MAGI2: variants seen among roughly 807,000 people sequenced by gnomAD.
MAGI2 encodes membrane associated guanylate kinase, WW and PDZ domain containing 2, also known as membrane-associated guanylate kinase, WW and PDZ domain-containing protein 2.
A neutral mutation model predicts 133.3 loss-of-function variants in MAGI2; 35 were observed. That is an observed-to-expected ratio of 0.26 (90% CI 0.20 to 0.35). MAGI2 has a LOEUF of 0.35. MAGI2 is among the 10% of genes least tolerant of loss of function. The probability of loss-of-function intolerance (pLI) is 1.00; values close to 1 mark genes in which losing one functional copy is unlikely to be tolerated. For synonymous variants in MAGI2, 729 were observed against 710.6 expected (o/e 1.03, Z -0.41); for missense variants, 1,636 against 1,863.4 (o/e 0.88, Z 2.25).
chr7:78,975,582 C>T (rs1804174422), intron 2 of MAGI2, among the ~76,000 whole-genome samples: 1 of 151,290 alleles, frequency 6.6e-6, no homozygotes, highest in Non-Finnish European at 1.5e-5. Flanking sequence ...GAGAAAAGAT[C>T]TAAAATTAAT....
chr7:78,884,935 G>C (rs1796150168), intron 2 of MAGI2, among the ~76,000 whole-genome samples: 1 of 152,132 alleles, frequency 6.6e-6, no homozygotes. Context: ...CCCATTAATG[G>C]TGAACTGGAT....
intron 1 of MAGI2, among the ~76,000 whole-genome samples, chr7:79,219,844 T>C (rs1260927244): frequency 2.0e-5 from 3 of 152,008 alleles, no homozygotes; most frequent in Non-Finnish European, 2.9e-5. Context: ...ATTGTAGGGA[T>C]TTTAACTCTA....
chr7:79,238,019 T>A (rs1196318991), intron 1 of MAGI2, among the ~76,000 whole-genome samples: 1 of 152,202 alleles, frequency 6.6e-6, no homozygotes, highest in Non-Finnish European at 1.5e-5. Flanking sequence ...CCAGGTTTAG[T>A]TAAACTAATA....
intron 1 of MAGI2, among the ~76,000 whole-genome samples, chr7:79,432,925 A>G (rs1474177802): frequency 3.3e-5 from 5 of 152,174 alleles, no homozygotes; most frequent in African/African-American, 9.6e-5. Flanking sequence ...TTGCTTCTTT[A>G]TTCTTGTTCC....
intron 6 of MAGI2, among the ~76,000 whole-genome samples, chr7:78,406,519 C>A (rs139452693): frequency 2.0e-5 from 3 of 151,850 alleles, no homozygotes; most frequent in African/African-American, 7.3e-5. Flanking sequence ...TGGTTTCTGC[C>A]GGCTGATATT....
intron 1 of MAGI2, among the ~76,000 whole-genome samples, chr7:79,199,582 A>T (rs1261700502): frequency 2.6e-5 from 4 of 152,104 alleles, no homozygotes; most frequent in Non-Finnish European, 5.9e-5. Flanking sequence ...ACGTGCAAAA[A>T]TCATTCCTGT....
chr7:78,309,071 A>G (rs1584815295), intron 9 of MAGI2, among the ~76,000 whole-genome samples: 1 of 152,232 alleles, frequency 6.6e-6, no homozygotes, highest in Non-Finnish European at 1.5e-5. Context: ...AAAAGGGAAT[A>G]CTTACACACT....
At chr7:79,127,613 A>G (rs1332499130) in intron 1 of MAGI2, among the ~76,000 whole-genome samples, 4 of 152,068 alleles carry the variant, frequency 2.6e-5, no homozygotes, top group Admixed American at 1.3e-4. Flanking sequence ...AGAAGTGTCT[A>G]TTCATATCCT....
At position 79,187,662 on chromosome 7, in the gene MAGI2, A is replaced by G. The variant is rs1827284037; in HGVS notation, c.302-180456T>C. Among the ~76,000 whole-genome samples, 2 of 151,940 alleles carry G rather than the reference A, an allele frequency of 1.3e-5. 1 individual carries two copies. The highest frequency in any genetic ancestry group is 4.1e-4 in the South Asian group (2 of 4,830). Reference sequence around the variant, plus strand: ...ATTGTTTTTACTTGAAAGAAAATAGAAAACATCTCAATTTTACTAAAAATT... The same window carrying G: ...ATTGTTTTTACTTGAAAGAAAATAGGAAACATCTCAATTTTACTAAAAATT... On this transcript the variant is annotated intron_variant, in intron 1 of 21. Coordinates refer to ENST00000354212, the MANE Select transcript of MAGI2 (RefSeq NM_012301.4).
chr7:78,503,477 C>T (rs978884007), intron 4 of MAGI2, among the ~76,000 whole-genome samples: 2 of 151,368 alleles, frequency 1.3e-5, no homozygotes, highest in African/African-American at 4.9e-5. Context: ...CCATCCTGTT[C>T]TTGTGGTAGT....
At chr7:78,380,198 G>A (rs181006424) in intron 6 of MAGI2, among the ~76,000 whole-genome samples, 1 of 151,216 alleles carries the variant, frequency 6.6e-6, no homozygotes, top group East Asian at 1.9e-4. Flanking sequence ...CAAAAAAATT[G>A]TACAAAATAG....
intron 1 of MAGI2, among the ~76,000 whole-genome samples, chr7:79,313,415 C>T (rs1245562396): frequency 6.6e-6 from 1 of 152,080 alleles, no homozygotes; most frequent in Non-Finnish European, 1.5e-5. Flanking sequence ...CTTACTGTCT[C>T]AATCTCTCTC....
rs995698856 is a variant in MAGI2, at chr7:78,542,372, G to A, written c.539-20727C>T. On this transcript the variant is annotated intron_variant, in intron 3 of 21. Coordinates refer to ENST00000354212, the MANE Select transcript of MAGI2 (RefSeq NM_012301.4). ...CATTCATTAACTGAATACTTCATAT[G>A]TACCTAGCAAATAAGCAATATAGAC... is the stretch of plus-strand genomic sequence containing the variant. Among the ~76,000 whole-genome samples, 6 of 152,228 alleles carry A rather than the reference G, an allele frequency of 3.9e-5. No individual in the cohort carries two copies. In the East Asian group the frequency reaches 9.6e-4, roughly 24 times the overall value.
rs1849416374 is a variant in MAGI2 at position 79,453,222 on chromosome 7, C to T, written c.99G>A (p.Lys33=). The T allele has an allele frequency of 6.2e-7, 1 of 1,613,996 alleles. No individual in the cohort carries two copies. Among genetic ancestry groups the T allele is most frequent in the Non-Finnish European group, 8.5e-7 (1 of 1,180,040 alleles). ...NPEGQLGFEL[K]GGAENGQFPY... ...GGAACTGTCCATTCTCGGCGCCCCCCTTCAGTTCAAAGCCCAGCTGGCCCT... is the reference window on the plus strand; with the variant it reads ...GGAACTGTCCATTCTCGGCGCCCCCTTTCAGTTCAAAGCCCAGCTGGCCCT... Residue 33 remains lysine, a synonymous_variant, in exon 1 of 22, where the codon AAG becomes AAA. Transcript: ENST00000354212.
intron 2 of MAGI2, among the ~76,000 whole-genome samples, chr7:78,834,040 C>A (rs1161534115): frequency 6.6e-6 from 1 of 152,066 alleles, no homozygotes; most frequent in Non-Finnish European, 1.5e-5. Context: ...ACTCTTTTGC[C>A]CAAGCTAGAG....
intron 2 of MAGI2, among the ~76,000 whole-genome samples, chr7:78,906,342 G>A (rs1001572045): frequency 3.3e-5 from 5 of 152,156 alleles, no homozygotes; most frequent in Admixed American, 1.3e-4. Flanking sequence ...CATTGCTTTC[G>A]TCTAGTTACA....
At chr7:78,905,344 G>A (rs373125177) in intron 2 of MAGI2, among the ~76,000 whole-genome samples, 1 of 152,158 alleles carries the variant, frequency 6.6e-6, no homozygotes, top group South Asian at 2.1e-4. Context: ...TGACCCCAAG[G>A]TTAGGAGCAA....
intron 6 of MAGI2, among the ~76,000 whole-genome samples, chr7:78,386,224 G>T (rs945362390): frequency 1.3e-5 from 2 of 151,980 alleles, no homozygotes; most frequent in Admixed American, 1.3e-4. Flanking sequence ...TCACTATTTT[G>T]CATTACTCTC....
intron 6 of MAGI2, among the ~76,000 whole-genome samples, chr7:78,476,882 T>TA (rs57387572): frequency 1.1e-4 from 16 of 150,768 alleles, no homozygotes; most frequent in Non-Finnish European, 2.1e-4. Flanking sequence ...TCTTCACTAG[T>TA]AAAAAAAAAA....
Sources: allele counts gnomAD v4.1 joint callset (sites outside exome capture counted in the v4.1 genomes callset), GRCh38; gene constraint gnomAD v4.1.1; transcripts MANE v1.5; gene names NCBI Gene and HGNC (gene_info 2026-07-23, HGNC 2026-07-21).